OXNAD1: variants seen among roughly 807,000 people sequenced by gnomAD.
OXNAD1 encodes the protein oxidoreductase NAD binding domain containing 1.
Under a neutral mutation model 32.9 loss-of-function variants are expected in OXNAD1, and 34 were observed. The observed-to-expected ratio is 1.03, with a 90% CI of 0.79 to 1.38. The LOEUF is 1.38. Ranked by LOEUF, OXNAD1 falls within the 40% of genes most tolerant of loss-of-function variation. The probability of loss-of-function intolerance (pLI) is 0.00; values close to 1 mark genes in which losing one functional copy is unlikely to be tolerated. For synonymous variants in OXNAD1, 134 were observed against 135.2 expected, an observed-to-expected ratio of 0.99 and a Z score of 0.06; for missense variants, 407 against 379.4, an observed-to-expected ratio of 1.07 and a Z score of -0.60.
Position 16,335,200 on chromosome 3 carries a change from C to T in OXNAD1, c.*31-1912C>T, listed in dbSNP as rs1468321556. Among the ~76,000 whole-genome samples, 1 of 152,152 alleles carries T rather than the reference C, an allele frequency of 6.6e-6. No individual in the cohort carries two copies. The highest frequency in any genetic ancestry group is 1.5e-5 in the Non-Finnish European group (1 of 68,018). Reference sequence around the variant, plus strand: ...TCCACAGCTCAGGGCCAGGAAAAGGCTGGGATGGGGATAAACACTTGGAGG... The same window carrying T: ...TCCACAGCTCAGGGCCAGGAAAAGGTTGGGATGGGGATAAACACTTGGAGG... On this transcript the variant is annotated intron_variant, in intron 9 of 9. Transcript: ENST00000435829. This position sits in a 1 kb window ranked among gnomAD's most constrained non-coding sequence, Gnocchi z 4.7.
downstream of OXNAD1, among the ~76,000 whole-genome samples, chr3:16,310,546 A>C (rs144184484): frequency 0.031 from 4,723 of 152,326 alleles, 105 homozygotes; most frequent in Middle Eastern, 0.082. Flanking sequence ...AAAGCCAGTC[A>C]GCAACATGGG....
downstream of OXNAD1, among the ~76,000 whole-genome samples, chr3:16,310,385 T>G (rs2067884509): frequency 6.6e-6 from 1 of 152,208 alleles, no homozygotes; most frequent in Admixed American, 6.5e-5. Flanking sequence ...GGAAGCATTT[T>G]AATGCTCACC....
chr3:16,311,883 C>T (rs1246365869), intron 9 of OXNAD1, among the ~76,000 whole-genome samples: 1 of 152,216 alleles, frequency 6.6e-6, no homozygotes, highest in African/African-American at 2.4e-5. Flanking sequence ...GGCCCTTCTG[C>T]ATTGCTGTCT....
chr3:16,277,385 A>G lies in OXNAD1; in HGVS notation c.183+5663A>G, dbSNP rs2065424270. Reference sequence around the variant, plus strand: ...CTCCAGAGGGTGCTCCTAGCCATAGAGTAGGGGCTGGACCCTGGACTCGTT... The same window carrying G: ...CTCCAGAGGGTGCTCCTAGCCATAGGGTAGGGGCTGGACCCTGGACTCGTT... On this transcript the variant is annotated intron_variant, in intron 4 of 8. Transcript: ENST00000285083. This position sits in a 1 kb window ranked among gnomAD's most constrained non-coding sequence, Gnocchi z 4.3. Among the ~76,000 whole-genome samples the G allele has an allele frequency of 1.3e-5, 2 of 152,214 alleles. No homozygotes were observed. The highest frequency in any genetic ancestry group is 4.8e-5 in the African/African-American group (2 of 41,448).
intron 4 of OXNAD1, among the ~76,000 whole-genome samples, chr3:16,285,069 T>C (rs1292690481): frequency 1.3e-5 from 2 of 152,108 alleles, no homozygotes; most frequent in Non-Finnish European, 2.9e-5. Flanking sequence ...ATTACCCCAG[T>C]TGATTTTTAG....
chr3:16,331,433 C>G (rs1187282254), intron 9 of OXNAD1, among the ~76,000 whole-genome samples: 4 of 152,102 alleles, frequency 2.6e-5, no homozygotes, highest in Non-Finnish European at 5.9e-5. Flanking sequence ...TTTGTGTTAT[C>G]ACAGTTTTGC....
intron 5 of OXNAD1, among the ~76,000 whole-genome samples, chr3:16,291,490 A>T (rs1273836403): frequency 6.6e-6 from 1 of 152,192 alleles, no homozygotes; most frequent in Non-Finnish European, 1.5e-5. Flanking sequence ...TAGACATTTT[A>T]TACCAGCAGA....
chr3:16,331,411 CA>C (rs2070298186), intron 9 of OXNAD1, among the ~76,000 whole-genome samples: 1 of 152,148 alleles, frequency 6.6e-6, no homozygotes, highest in Non-Finnish European at 1.5e-5. Flanking sequence ...TAAAGTAAAT[CA>C]AAAGTCAATG....
chr3:16,270,928 G>A lies in OXNAD1; in HGVS notation c.-8-17G>A. On this transcript the variant is annotated splice_polypyrimidine_tract_variant and intron_variant, in intron 2 of 8. Coordinates refer to ENST00000285083, the MANE Select transcript of OXNAD1 (RefSeq NM_138381.5). Reference sequence around the variant, plus strand: ...TTTAAAAAAACAATTTGAAATTTCAGTTTTCTGTTTGCCCAGAAAGCGCCA... The same window carrying A: ...TTTAAAAAAACAATTTGAAATTTCAATTTTCTGTTTGCCCAGAAAGCGCCA... The A allele has an allele frequency of 6.2e-7, 1 of 1,613,390 alleles. No individual in the cohort carries two copies. Among genetic ancestry groups the A allele is most frequent in the Non-Finnish European group, 8.5e-7 (1 of 1,179,858 alleles).
chr3:16,317,530 GCTC>G lies in OXNAD1; in HGVS notation c.*30+13941_*30+13943del, dbSNP rs1287154276. Among the ~76,000 whole-genome samples the G allele has an allele frequency of 6.6e-6, 1 of 152,186 alleles. No individual in the cohort carries two copies. The highest frequency in any genetic ancestry group is 2.4e-5 in the African/African-American group (1 of 41,434). On this transcript the variant is annotated intron_variant, in intron 9 of 9. Coordinates refer to the OXNAD1 transcript ENST00000435829. This position sits in a 1 kb window ranked among gnomAD's most constrained non-coding sequence, Gnocchi z 4.3. Reference sequence around the variant, plus strand: ...ATACCAAAGGCCCACATAGGAAAGGGCTCCTAAAGTCCTATCATTTGGAGGGCC... The same window carrying G: ...ATACCAAAGGCCCACATAGGAAAGGGCTAAAGTCCTATCATTTGGAGGGCC...
intron 9 of OXNAD1, chr3:16,313,810 T>C (rs1461764774): frequency 6.6e-6 from 1 of 152,190 alleles, no homozygotes; most frequent in Non-Finnish European, 1.5e-5. Flanking sequence ...TACTACTTCA[T>C]TAACATAGAT....
Position 16,297,695 on chromosome 3 carries a change from C to G in OXNAD1, c.432+2698C>G, listed in dbSNP as rs1449450519. 6.6e-6 allele frequency among the ~76,000 whole-genome samples: 1 copy of G among 152,134 alleles called. No individual in the cohort carries two copies. The highest frequency in any genetic ancestry group is 1.5e-5 in the Non-Finnish European group (1 of 68,026). The stretch of plus-strand genomic sequence containing the variant: ...GATGCATGCAGCAATGTGGGTGAAT[C>G]TCAGAGGCATTCTGTTGAGTGCAAG... On this transcript the variant is annotated intron_variant, in intron 6 of 8. Transcript: ENST00000285083. This position sits in a 1 kb window ranked among gnomAD's most constrained non-coding sequence, Gnocchi z 4.3.
At position 16,316,975 on chromosome 3, in the gene OXNAD1, AC is replaced by A. The variant is rs1469453356; in HGVS notation, c.*30+13386del. 6.2e-7 allele frequency: 1 copy of A among 1,612,964 alleles called. No individual in the cohort carries two copies. Among genetic ancestry groups the A allele is most frequent in the South Asian group, 1.1e-5 (1 of 91,022 alleles). On this transcript the variant is annotated intron_variant, in intron 9 of 9. Transcript: ENST00000435829. The surrounding 1 kb of genome is among the most constrained non-coding windows in gnomAD (Gnocchi z 4.5). ...CATTCTGCACAGCCTCACCCTCCAC[AC>A]CCACCCCACACAGCAGGCCACCAGG...
At position 16,299,772 on chromosome 3, in the gene OXNAD1, C is replaced by T. The variant is rs570518277; in HGVS notation, c.433-1854C>T. Among the ~76,000 whole-genome samples, 4 of 152,310 alleles carry T rather than the reference C, an allele frequency of 2.6e-5. No individual in the cohort carries two copies. Among genetic ancestry groups the T allele is most frequent in the East Asian group, 1.9e-4 (1 of 5,186 alleles). On this transcript the variant is annotated intron_variant, in intron 6 of 8. Transcript: ENST00000285083. This position sits in a 1 kb window ranked among gnomAD's most constrained non-coding sequence, Gnocchi z 4.4. ...TCATTTAGTTGATTTATGCCAGGAA[C>T]GTGTAATGGGAGAAACCTATGCTCT... is the stretch of plus-strand genomic sequence containing the variant.
intron 6 of OXNAD1, among the ~76,000 whole-genome samples, chr3:16,300,710 C>T (rs555376231): frequency 4.6e-5 from 7 of 152,278 alleles, no homozygotes; most frequent in South Asian, 2.1e-4. Context: ...GTAAGTACTC[C>T]TACAATGGCT....
In OXNAD1 at chr3:16,301,871, A is replaced by G. The variant is rs780681452; in HGVS notation, c.675+3A>G. 2 of 1,613,264 alleles carry G rather than the reference A, an allele frequency of 1.2e-6. No homozygotes were observed. Among genetic ancestry groups the G allele is most frequent in the Non-Finnish European group, 1.7e-6 (2 of 1,179,372 alleles). On this transcript the variant is annotated splice_donor_region_variant and intron_variant, in intron 7 of 8. Coordinates refer to ENST00000285083, the MANE Select transcript of OXNAD1 (RefSeq NM_138381.5). The surrounding 1 kb of genome is among the most constrained non-coding windows in gnomAD (Gnocchi z 4.1). The stretch of plus-strand genomic sequence containing the variant: ...ATACCAGCGAACTCCTGTTTAAGGT[A>G]AGGGAGGTATAGCTTGCTGTAAGCA...
At chr3:16,270,570 A>G (rs1468860139) in intron 2 of OXNAD1, among the ~76,000 whole-genome samples, 1 of 152,216 alleles carries the variant, frequency 6.6e-6, no homozygotes, top group Non-Finnish European at 1.5e-5. Flanking sequence ...CAAGAAATAT[A>G]AAAGACTTAT....
chr3:16,338,301 C>G (rs138379639), downstream of OXNAD1, among the ~76,000 whole-genome samples: 4 of 152,322 alleles, frequency 2.6e-5, no homozygotes, highest in African/African-American at 4.8e-5. This position sits in a 1 kb window ranked among gnomAD's most constrained non-coding sequence, Gnocchi z 5.3. Flanking sequence ...ACGCAAGGCT[C>G]CTGATCACAG....
intron 6 of OXNAD1, 23 bp downstream of exon 6, chr3:16,295,020 C>T (rs376367376): frequency 1.4e-5 from 23 of 1,587,298 alleles, no homozygotes; most frequent in East Asian, 4.6e-5. Flanking sequence ...CCTGTTTAAA[C>T]GCGATGATCT....
Sources: gnomAD v4.1 joint callset for allele counts (sites outside exome capture counted in the v4.1 genomes callset) on GRCh38, gnomAD v4.1.1 for gene constraint, Gnocchi (gnomAD v3.1) non-coding constraint, MANE v1.5 for transcripts, NCBI Gene and HGNC (gene_info 2026-07-23, HGNC 2026-07-21) for gene names.